Variants in PCNX1 observed in about 807,000 individuals in gnomAD.
PCNX1 encodes the protein pecanex 1.
A neutral mutation model predicts 242.2 loss-of-function variants in PCNX1; 78 were observed. That is an observed-to-expected ratio of 0.32 (90% CI 0.27 to 0.39). The LOEUF is 0.39. PCNX1 is among the 10% of genes least tolerant of loss of function. The pLI, the probability that PCNX1 is intolerant of heterozygous loss-of-function variation, is 1.00. For missense variants in PCNX1, 2,581 were observed against 2,856.5 expected (o/e 0.90, Z 2.20); for synonymous variants, 1,024 against 1,032.9 (o/e 0.99, Z 0.17).
intron 28 of PCNX1, among the ~76,000 whole-genome samples, chr14:71,078,084 T>A (rs913220617): frequency 7.2e-5 from 11 of 152,216 alleles, no homozygotes; most frequent in African/African-American, 2.4e-4. Flanking sequence ...TAAACTTGGG[T>A]ATCCCCAGTC....
At chr14:70,974,233 T>G (rs923456522) in intron 5 of PCNX1, among the ~76,000 whole-genome samples, 14 of 150,310 alleles carry the variant, frequency 9.3e-5, no homozygotes, top group South Asian at 6.3e-4. Context: ...GGAATTGTGG[T>G]TTTTTTTGTT....
chr14:70,961,071 G>A (rs1174468712), intron 2 of PCNX1, among the ~76,000 whole-genome samples: 4 of 152,128 alleles, frequency 2.6e-5, no homozygotes, highest in Non-Finnish European at 5.9e-5. Flanking sequence ...AATCAATATC[G>A]TGAAAATGGC....
At chr14:71,074,098 TCTTA>T (rs769813217) in intron 27 of PCNX1, among the ~76,000 whole-genome samples, 13 of 152,200 alleles carry the variant, frequency 8.5e-5, no homozygotes, top group Non-Finnish European at 1.3e-4. Flanking sequence ...CACACGTGTA[TCTTA>T]CTTAATACTG....
In PCNX1 at chr14:71,023,191, C is replaced by T. The variant is rs2060151092; in HGVS notation, c.3151-9C>T. On this transcript the variant is annotated splice_polypyrimidine_tract_variant and intron_variant, in intron 12 of 35. Coordinates refer to ENST00000304743, the MANE Select transcript of PCNX1 (RefSeq NM_014982.3). ...AGGAGTGTAATTTGTCTTTCTGTTT[C>T]ATTTTTAGAGTGTTCAACCAGATTC... The T allele has an allele frequency of 6.2e-7, 1 of 1,605,518 alleles. No homozygotes were observed. The highest frequency in any genetic ancestry group is 1.1e-5 in the South Asian group (1 of 90,892).
At chr14:70,936,110 C>A (rs189340097) in intron 1 of PCNX1, among the ~76,000 whole-genome samples, 1 of 152,030 alleles carries the variant, frequency 6.6e-6, no homozygotes, top group African/African-American at 2.4e-5. Context: ...ATAAATTAAA[C>A]AACTAGGAAT....
chr14:70,990,310 C>G lies in PCNX1; in HGVS notation c.2444+1611C>G, dbSNP rs183334538. On this transcript the variant is annotated intron_variant, in intron 7 of 35. Transcript: ENST00000304743. ...GGCGCTGTGGCTCATGCCTGTAATC[C>G]CAGCACTTTGGGAGGCTGAGGTGGG... Among the ~76,000 whole-genome samples the G allele has an allele frequency of 2.8e-3, 424 of 151,816 alleles. 6 individuals carry two copies. Among genetic ancestry groups the G allele is most frequent in the Non-Finnish European group, 4.0e-3 (271 of 67,922 alleles).
chr14:71,076,124 TA>T, intron 27 of PCNX1, 64 bp from the exon 28 acceptor site: 1 of 936,498 alleles, frequency 1.1e-6, no homozygotes, highest in Non-Finnish European at 1.7e-6. Flanking sequence ...TTTCATTGAG[TA>T]ATCTGAGTTA....
intron 26 of PCNX1, among the ~76,000 whole-genome samples, chr14:71,061,155 A>G (rs1160463285): frequency 2.0e-5 from 3 of 152,208 alleles, no homozygotes; most frequent in Non-Finnish European, 4.4e-5. Context: ...GTTTCAAGTT[A>G]TTAAGGACAG....
chr14:70,950,651 G>C (rs2057740184), intron 2 of PCNX1, among the ~76,000 whole-genome samples: 1 of 151,754 alleles, frequency 6.6e-6, no homozygotes, highest in Non-Finnish European at 1.5e-5. Flanking sequence ...TTAGTATTTT[G>C]AAAAACTGTG....
At chr14:71,033,007 C>T (rs1224415312) in intron 16 of PCNX1, among the ~76,000 whole-genome samples, 1 of 152,164 alleles carries the variant, frequency 6.6e-6, no homozygotes, top group East Asian at 1.9e-4. Flanking sequence ...TTTTCTTTTG[C>T]CTAATATATC....
chr14:71,020,918 A>G (rs952853241), intron 12 of PCNX1, among the ~76,000 whole-genome samples: 2 of 152,158 alleles, frequency 1.3e-5, no homozygotes, highest in African/African-American at 4.8e-5. Flanking sequence ...TCTTTAATCC[A>G]TCTTGAGTTA....
intron 11 of PCNX1, among the ~76,000 whole-genome samples, chr14:71,014,468 A>G (rs1284810317): frequency 1.3e-5 from 2 of 152,226 alleles, no homozygotes; most frequent in African/African-American, 4.8e-5. Flanking sequence ...GCAGACAAGG[A>G]CATTAAAACA....
intron 1 of PCNX1, among the ~76,000 whole-genome samples, chr14:70,913,318 T>C (rs752782857): frequency 2.6e-5 from 4 of 152,182 alleles, no homozygotes; most frequent in Non-Finnish European, 5.9e-5. Flanking sequence ...GTAGGCTGTA[T>C]CATATGGTGG....
chr14:71,094,500 A>G (rs960065991), intron 30 of PCNX1, among the ~76,000 whole-genome samples: 4 of 152,224 alleles, frequency 2.6e-5, no homozygotes, highest in African/African-American at 9.7e-5. Flanking sequence ...AATTTCTATT[A>G]ACCTTTGCCT....
At chr14:70,939,941 A>G (rs1252096643) in intron 1 of PCNX1, among the ~76,000 whole-genome samples, 2 of 152,182 alleles carry the variant, frequency 1.3e-5, no homozygotes, top group African/African-American at 2.4e-5. Flanking sequence ...ATCAGAGACT[A>G]GGATTGCAAC....
chr14:70,916,384 AAAGG>A (rs1165111954), intron 1 of PCNX1, among the ~76,000 whole-genome samples: 1 of 152,192 alleles, frequency 6.6e-6, no homozygotes, highest in Non-Finnish European at 1.5e-5. Flanking sequence ...AGAAATCAGC[AAAGG>A]AAGACAGAGT....
intron 8 of PCNX1, among the ~76,000 whole-genome samples, chr14:71,000,526 ATTT>A (rs3083305): frequency 7.1e-5 from 9 of 126,690 alleles, no homozygotes; most frequent in Non-Finnish European, 8.3e-5. Context: ...CTGTCCCTTG[ATTT>A]TTTTTTTTTT....
chr14:70,947,325 A>G (rs920849793), intron 2 of PCNX1, among the ~76,000 whole-genome samples: 3 of 152,174 alleles, frequency 2.0e-5, no homozygotes, highest in Non-Finnish European at 4.4e-5. Flanking sequence ...GATTAAATCA[A>G]TATTCTTGGC....
chr14:70,991,930 G>A (rs1016096303), intron 7 of PCNX1, among the ~76,000 whole-genome samples: 2 of 152,084 alleles, frequency 1.3e-5, no homozygotes, highest in Non-Finnish European at 2.9e-5. Flanking sequence ...ATATGTAAGT[G>A]ACCACCCAAA....
Sources: allele counts gnomAD v4.1 joint callset (sites outside exome capture counted in the v4.1 genomes callset), GRCh38; gene constraint gnomAD v4.1.1; transcripts MANE v1.5; gene names NCBI Gene and HGNC (gene_info 2026-07-23, HGNC 2026-07-21).